The following ZNF382 variants were observed in gnomAD, a reference collection of about 807,000 sequenced individuals.
ZNF382 encodes zinc finger protein 382.
ZNF382 carries 20 observed loss-of-function variants against 38.8 expected under a neutral mutation model. The observed-to-expected ratio is 0.51, with a 90% CI of 0.36 to 0.75. ZNF382 has a LOEUF of 0.75. ZNF382 is among the 30% of genes least tolerant of loss of function. The pLI is 0.00. For missense variants in ZNF382, 546 were observed against 654.1 expected (o/e 0.83, Z 1.80); for synonymous variants, 202 against 223.1 (o/e 0.91, Z 0.84).
rs2037063969 is a variant in ZNF382 at position 36,609,971 on chromosome 19, G to A, written c.57G>A (p.Glu19=). The part of the protein sequence containing the change: ...FKDVTVDFTQ[E]EWQQLDPAQK... ...ATGTGACTGTGGACTTCACCCAGGAGGAGTGGCAGCAACTAGACCCTGCTC... is the reference window on the plus strand; with the variant it reads ...ATGTGACTGTGGACTTCACCCAGGAAGAGTGGCAGCAACTAGACCCTGCTC... The change falls in exon 3 of 5, where the codon GAG becomes GAA. Residue 19 remains glutamate, a synonymous_variant. Coordinates refer to ENST00000292928, the MANE Select transcript of ZNF382 (RefSeq NM_032825.5). 1.9e-6 allele frequency: 3 copies of A among 1,614,018 alleles called. No individual in the cohort carries two copies. The South Asian group carries it at 3.3e-5, about 18-fold the overall frequency.
In ZNF382 at chr19:36,633,981, A is replaced by T. The variant is rs1379671885; in HGVS notation, c.*6431A>T. ...CGAGGCAATTCTTTGAGGTGTTGGA[A>T]TTGTTTTGTATCCTGCTTGTGGTCA... On this transcript the variant is annotated 3_prime_UTR_variant, in exon 5 of 5. Transcript: ENST00000292928. 6.6e-6 allele frequency: 1 copy of T among 152,106 alleles called. No homozygotes were observed. The highest frequency in any genetic ancestry group is 1.9e-4 in the East Asian group (1 of 5,186). The allele number at this position is 152,106 out of a possible 1,614,324, so 9.4% of individuals were successfully genotyped here. A position where few individuals can be genotyped will look rare whatever the true frequency, so the allele number is the denominator to read the frequency against.
intron 3 of ZNF382, 75 bp from the exon 4 acceptor site, chr19:36,610,575 G>A: frequency 1.6e-6 from 2 of 1,225,162 alleles, no homozygotes; most frequent in Non-Finnish European, 2.3e-6. Flanking sequence ...CTACCTTGAA[G>A]TTGTATCTTT....
At chr19:36,621,591 T>TACACACACACACACACACACACAC (rs34609656) in intron 4 of ZNF382, among the ~76,000 whole-genome samples, 1 of 145,206 alleles carries the variant, frequency 6.9e-6, no homozygotes, top group East Asian at 2.0e-4. Flanking sequence ...TAGAAAAAAA[T>TACACACACACACACACACACACAC]ACACACACAC....
chr19:36,623,879 G>A (rs1056099074), intron 4 of ZNF382, among the ~76,000 whole-genome samples: 3 of 151,466 alleles, frequency 2.0e-5, no homozygotes, highest in Admixed American at 6.6e-5. Context: ...TTACAAGGTC[G>A]GGAGTTCGAG....
chr19:36,623,403 C>G (rs999093081), intron 4 of ZNF382, among the ~76,000 whole-genome samples: 1 of 152,108 alleles, frequency 6.6e-6, no homozygotes, highest in Non-Finnish European at 1.5e-5. Flanking sequence ...GTGTTAAAAT[C>G]TTAGGCCGTT....
At chr19:36,607,410 C>G (rs917636361) in intron 1 of ZNF382, 142 bp from the exon 2 acceptor site, 1 of 557,154 alleles carries the variant, frequency 1.8e-6, no homozygotes, top group African/African-American at 2.0e-5. Context: ...CCACTAACTA[C>G]CATCCTGGAC....
chr19:36,626,283 C>A lies in ZNF382; in HGVS notation c.386C>A (p.Ser129Ter). The A allele has an allele frequency of 6.2e-7, 1 of 1,601,354 alleles. No homozygotes were observed. The highest frequency in any genetic ancestry group is 1.1e-5 in the South Asian group (1 of 87,932). The change falls in exon 5 of 5, where the codon TCA (serine) becomes TAA (stop). Residue 129 changes from serine (S) to a stop codon, truncating the protein, a stop_gained. Coordinates refer to ENST00000292928, the MANE Select transcript of ZNF382 (RefSeq NM_032825.5). LOFTEE classifies it high-confidence loss of function. ...KTFTLGKNRISKTILCEYKPD... is the reference protein window; with the variant it reads ...KTFTLGKNRI ...TTTACTCTAGGCAAGAACCGTATTT[C>A]AAAAACAATACTATGTGAATATAAA...
chr19:36,611,946 C>T (rs2037080875), intron 4 of ZNF382, among the ~76,000 whole-genome samples: 3 of 152,100 alleles, frequency 2.0e-5, no homozygotes, highest in Admixed American at 1.3e-4. Flanking sequence ...TAAATCTTTT[C>T]GTTGTTTGCC....
At chr19:36,610,128 T>C in intron 3 of ZNF382, 75 bp downstream of exon 3, 1 of 1,558,170 alleles carries the variant, frequency 6.4e-7, no homozygotes, top group Non-Finnish European at 8.8e-7. Context: ...GGACTTTGAA[T>C]TTCAGGGATT....
At chr19:36,614,139 A>T (rs1421333212) in intron 4 of ZNF382, among the ~76,000 whole-genome samples, 2 of 152,038 alleles carry the variant, frequency 1.3e-5, no homozygotes, top group African/African-American at 4.8e-5. Context: ...CAGGAGTTCA[A>T]GACCAGCCTG....
At position 36,630,296 on chromosome 19, in the gene ZNF382, A is replaced by G. The variant is rs2037245389; in HGVS notation, c.*2746A>G. ...GAAATCAAGGTATGGAATCTAATGA[A>G]TGTCCGTGAAGGAGGTACTTTTGAA... On this transcript the variant is annotated 3_prime_UTR_variant, in exon 5 of 5. Coordinates refer to ENST00000292928, the MANE Select transcript of ZNF382 (RefSeq NM_032825.5). The G allele has an allele frequency of 1.3e-5, 2 of 152,114 alleles. No homozygotes were observed. Among genetic ancestry groups the G allele is most frequent in the Admixed American group, 6.6e-5 (1 of 15,256 alleles). 9.4% of individuals were successfully genotyped at this position (152,114 alleles called of 1,614,324 possible).
chr19:36,623,931 A>G (rs2037189840), intron 4 of ZNF382, among the ~76,000 whole-genome samples: 1 of 151,932 alleles, frequency 6.6e-6, no homozygotes, highest in African/African-American at 2.4e-5. Context: ...TCTACTAAAA[A>G]TACAAAAATT....
At chr19:36,605,932 A>C (rs1339352414) in intron 1 of ZNF382, among the ~76,000 whole-genome samples, 1 of 152,084 alleles carries the variant, frequency 6.6e-6, no homozygotes, top group Non-Finnish European at 1.5e-5. Context: ...CTGCTGTCTG[A>C]GGTTGTGAAT....
rs202213879 is a variant in ZNF382, at chr19:36,627,456, A to G, written c.1559A>G (p.Tyr520Cys). Residue 520 changes from tyrosine (Y) to cysteine (C), a missense_variant, in exon 5 of 5, where the codon TAT (tyrosine) becomes TGT (cysteine). Coordinates refer to ENST00000292928, the MANE Select transcript of ZNF382 (RefSeq NM_032825.5). ...AAAACTCACACAGGCGAGAAACCAT[A>G]TGAATGTAAACAGTGTGGGAAGTTC... ...HQKTHTGEKP[Y>C]ECKQCGKFFS... The G allele has an allele frequency of 2.0e-5, 33 of 1,614,202 alleles. No homozygotes were observed. The South Asian group carries it at 3.1e-4, about 15-fold the overall frequency.
rs1426487274 is a variant in ZNF382, at chr19:36,627,247, C to G, written c.1350C>G (p.Thr450=). 2 of 1,613,734 alleles carry G rather than the reference C, an allele frequency of 1.2e-6. No individual in the cohort carries two copies. The highest frequency in any genetic ancestry group is 1.7e-6 in the Non-Finnish European group (2 of 1,179,970). Residue 450 remains threonine (T), a synonymous_variant, in exon 5 of 5, where the codon ACC becomes ACG. Transcript: ENST00000292928. ...ECGKSFCQKT[T]LTLHQRIHTG... is the part of the protein sequence containing the mutation. ...GGAAGTCCTTCTGCCAAAAGACAAC[C>G]CTCACTCTCCACCAGAGAATTCACA...
chr19:36,629,750 A>G lies in ZNF382; in HGVS notation c.*2200A>G, dbSNP rs1201156266. 1 of 151,980 alleles carries G rather than the reference A, an allele frequency of 6.6e-6. No homozygotes were observed. The highest frequency in any genetic ancestry group is 6.6e-5 in the Admixed American group (1 of 15,220). The allele number at this position is 151,980 out of a possible 1,614,324, so 9.4% of individuals were successfully genotyped here. A position where few individuals can be genotyped will look rare whatever the true frequency, so the allele number is the denominator to read the frequency against. Reference sequence around the variant, plus strand: ...GGAGTTCGAGACCAGCCTGGGAAACATGCCAAAACCCCATCTCTACAAAAA... The same window carrying G: ...GGAGTTCGAGACCAGCCTGGGAAACGTGCCAAAACCCCATCTCTACAAAAA... On this transcript the variant is annotated 3_prime_UTR_variant, in exon 5 of 5. Coordinates refer to ENST00000292928, the MANE Select transcript of ZNF382 (RefSeq NM_032825.5).
Position 36,614,910 on chromosome 19 carries a change from T to TTCCC in ZNF382, c.232+4169_232+4170insCCCT, listed in dbSNP as rs1176579238. ...TTTCCTTTCCTTTCCTTTCCTTTCC[T>TTCCC]TTCCTTCCCTTTCCCTTTCCCTTTC... On this transcript the variant is annotated intron_variant, in intron 4 of 4. Coordinates refer to ENST00000292928, the MANE Select transcript of ZNF382 (RefSeq NM_032825.5). Among the ~76,000 whole-genome samples, 488 of 73,572 alleles carry TTCCC rather than the reference T, an allele frequency of 6.6e-3. 6 individuals carry two copies. Among genetic ancestry groups the TTCCC allele is most frequent in the Non-Finnish European group, 9.3e-3 (337 of 36,226 alleles). The allele number at this position is 73,572 out of a possible 152,430, so 48.3% of individuals were successfully genotyped here.
At chr19:36,622,420 A>G (rs893637524) in intron 4 of ZNF382, among the ~76,000 whole-genome samples, 2 of 152,232 alleles carry the variant, frequency 1.3e-5, no homozygotes, top group Non-Finnish European at 2.9e-5. Context: ...AAATCAATCA[A>G]GGGAAGAAGG....
chr19:36,624,721 A>C (rs2037196265), intron 4 of ZNF382, among the ~76,000 whole-genome samples: 1 of 152,130 alleles, frequency 6.6e-6, no homozygotes, highest in Admixed American at 6.6e-5. Context: ...GTTGGTCAGG[A>C]GAATTTCATT....
Sources: allele counts gnomAD v4.1 joint callset (sites outside exome capture counted in the v4.1 genomes callset), GRCh38; gene constraint gnomAD v4.1.1; transcripts MANE v1.5; gene names NCBI Gene and HGNC (gene_info 2026-07-23, HGNC 2026-07-21).